Variants in NBEA observed in about 807,000 individuals in gnomAD.
NBEA encodes the protein neurobeachin, also known as lysosomal-trafficking regulator 2.
In NBEA, 44 loss-of-function variants were observed where a neutral mutation model predicts 343.4. The ratio of observed to expected loss-of-function variants is 0.13; its 90% CI spans 0.10 to 0.16. The LOEUF is 0.16. Ranked by LOEUF, NBEA falls within the 10% of genes least tolerant of loss-of-function variation. The pLI, the probability that NBEA is intolerant of heterozygous loss-of-function variation, is 1.00. For missense variants in NBEA, 2,555 were observed against 3,631.3 expected, an observed-to-expected ratio of 0.70 and a Z score of 7.62; for synonymous variants, 1,175 against 1,238.7, an observed-to-expected ratio of 0.95 and a Z score of 1.08.
chr13:35,591,562 T>A (rs2081542213), intron 46 of NBEA, among the ~76,000 whole-genome samples: 1 of 152,128 alleles, frequency 6.6e-6, no homozygotes, highest in Non-Finnish European at 1.5e-5. Context: ...TATTGTTTTT[T>A]CATTGTTGAT....
chr13:35,427,907 C>G (rs2044813256), intron 38 of NBEA, among the ~76,000 whole-genome samples: 1 of 152,200 alleles, frequency 6.6e-6, no homozygotes, highest in Non-Finnish European at 1.5e-5. Flanking sequence ...ATGAGCGAGA[C>G]TCTATGGGCG....
At chr13:35,055,847 C>T (rs577151345) in intron 6 of NBEA, among the ~76,000 whole-genome samples, 163 bp from the exon 7 acceptor site, 18 of 152,200 alleles carry the variant, frequency 1.2e-4, no homozygotes, top group South Asian at 2.1e-4. Flanking sequence ...CTTCTACCAT[C>T]TGTGAAATGA....
intron 36 of NBEA, among the ~76,000 whole-genome samples, chr13:35,312,387 A>G (rs971707327): frequency 1.3e-5 from 2 of 152,236 alleles, no homozygotes; most frequent in Non-Finnish European, 2.9e-5. Context: ...AGGGAATTGT[A>G]TAGTGCAGAG....
intron 47 of NBEA, among the ~76,000 whole-genome samples, chr13:35,603,096 G>T (rs939963357): frequency 2.0e-5 from 3 of 151,994 alleles, no homozygotes; most frequent in Non-Finnish European, 4.4e-5. Flanking sequence ...CCCTTAAAAG[G>T]CAGATTTCAT....
chr13:35,532,857 G>A (rs1453726912), intron 41 of NBEA, among the ~76,000 whole-genome samples: 1 of 151,910 alleles, frequency 6.6e-6, no homozygotes, highest in East Asian at 1.9e-4. Flanking sequence ...CAGAAGAATA[G>A]AACCTAATTT....
At chr13:35,577,845 T>A (rs959893600) in intron 45 of NBEA, among the ~76,000 whole-genome samples, 2 of 152,274 alleles carry the variant, frequency 1.3e-5, no homozygotes, top group Admixed American at 1.3e-4. Context: ...GCTTTACAGA[T>A]GCAATTTGAA....
intron 49 of NBEA, among the ~76,000 whole-genome samples, chr13:35,631,410 T>G (rs2083447823): frequency 6.6e-6 from 1 of 152,138 alleles, no homozygotes. Flanking sequence ...GAGTTTAAGA[T>G]ATTAACCCTT....
Position 35,161,784 on chromosome 13 carries a change from G to A in NBEA, c.3896G>A (p.Arg1299Gln), listed in dbSNP as rs777594455. The A allele has an allele frequency of 6.2e-6, 10 of 1,611,782 alleles. No individual in the cohort carries two copies. The highest frequency in any genetic ancestry group is 1.6e-4 in the Middle Eastern group (1 of 6,068). The change falls in exon 23 of 59, where the codon CGA becomes CAA. Residue 1299 changes from arginine (R) to glutamine (Q), a missense_variant. Physicochemically the swap from Arg to Gln is conservative, Grantham distance 43. Coordinates refer to ENST00000379939, the MANE Select transcript of NBEA (RefSeq NM_001385012.1). The part of the protein sequence containing the change: ...VQGRSITQQD[R>Q]DLRVDLGFRG... Reference sequence around the variant, plus strand: ...GGTCGGTCTATCACCCAACAAGACCGAGATCTCCGAGTTGATTTAGGATTT... The same window carrying A: ...GGTCGGTCTATCACCCAACAAGACCAAGATCTCCGAGTTGATTTAGGATTT...
intron 49 of NBEA, among the ~76,000 whole-genome samples, chr13:35,645,202 A>G (rs188079246): frequency 1.6e-4 from 25 of 152,212 alleles, no homozygotes; most frequent in Non-Finnish European, 3.5e-4. Context: ...TGCTTCTACA[A>G]GCACCTAGCT....
intron 41 of NBEA, among the ~76,000 whole-genome samples, chr13:35,497,649 T>C (rs1381476): frequency 0.68 from 103,160 of 151,884 alleles, 35,355 homozygotes; most frequent in African/African-American, 0.76. Flanking sequence ...GACCCATCAA[T>C]TTAGATAGTA....
At chr13:35,521,268 TC>T (rs1190434272) in intron 41 of NBEA, among the ~76,000 whole-genome samples, 7 of 152,160 alleles carry the variant, frequency 4.6e-5, no homozygotes, top group African/African-American at 1.7e-4. Context: ...GATGTACATT[TC>T]CTTAGTCAAA....
At chr13:35,156,702 A>G (rs927188131) in intron 20 of NBEA, among the ~76,000 whole-genome samples, 4 of 152,178 alleles carry the variant, frequency 2.6e-5, no homozygotes, top group Admixed American at 1.3e-4. Flanking sequence ...TGTTCAGTGT[A>G]AGACTTTGTG....
intron 1 of NBEA, among the ~76,000 whole-genome samples, chr13:35,013,183 T>G (rs576066587): frequency 2.6e-5 from 4 of 152,328 alleles, no homozygotes; most frequent in South Asian, 2.1e-4. Context: ...TTTAGGTGCT[T>G]CTCATAGAAT....
At chr13:35,634,860 C>T (rs548221192) in intron 49 of NBEA, among the ~76,000 whole-genome samples, 1 of 152,234 alleles carries the variant, frequency 6.6e-6, no homozygotes, top group African/African-American at 2.4e-5. Context: ...CACTGCCTCC[C>T]TTTGGATCGG....
At chr13:34,992,104 G>A (rs1392901322) in intron 1 of NBEA, among the ~76,000 whole-genome samples, 2 of 149,576 alleles carry the variant, frequency 1.3e-5, no homozygotes, top group African/African-American at 4.9e-5. Context: ...TTTGGCTGCT[G>A]AACCTTGTCT....
At chr13:35,326,402 T>C (rs1257660831) in intron 36 of NBEA, among the ~76,000 whole-genome samples, 2 of 152,090 alleles carry the variant, frequency 1.3e-5, no homozygotes, top group African/African-American at 2.4e-5. Context: ...GGAACTATTA[T>C]AAATGGGATT....
At chr13:35,462,314 C>T (rs1177751901) in intron 40 of NBEA, among the ~76,000 whole-genome samples, 2 of 152,132 alleles carry the variant, frequency 1.3e-5, no homozygotes, top group Admixed American at 6.5e-5. Context: ...ACAGAAAACA[C>T]GATCCTAGAA....
rs201298079 is a variant in NBEA at position 35,099,779 on chromosome 13, G to C, written c.1680+1374G>C. Among the ~76,000 whole-genome samples the C allele has an allele frequency of 2.6e-5, 4 of 151,750 alleles. No individual in the cohort carries two copies. The East Asian group carries it at 7.7e-4, about 29-fold the overall frequency. On this transcript the variant is annotated intron_variant, in intron 11 of 58. Coordinates refer to ENST00000379939, the MANE Select transcript of NBEA (RefSeq NM_001385012.1). The stretch of plus-strand genomic sequence containing the variant: ...TTTATGTTGTTTTATGACCTCTTTT[G>C]CTTTAGTCAAAGCTGTGCTTTTATG...
chr13:35,099,503 G>A (rs530807033), intron 11 of NBEA, among the ~76,000 whole-genome samples: 65 of 152,132 alleles, frequency 4.3e-4, no homozygotes, highest in South Asian at 2.1e-4. Flanking sequence ...CCTGGCCTTA[G>A]ACTGTATCTC....
Sources: gnomAD v4.1 joint callset for allele counts (sites outside exome capture counted in the v4.1 genomes callset) on GRCh38, gnomAD v4.1.1 for gene constraint, MANE v1.5 for transcripts, NCBI Gene and HGNC (gene_info 2026-07-23, HGNC 2026-07-21) for gene names.